XRN1: variants seen among roughly 807,000 people sequenced by gnomAD.
The protein encoded by XRN1 is strand-exchange protein 1 homolog.
XRN1 carries 67 observed loss-of-function variants against 222.3 expected under a neutral mutation model. The ratio of observed to expected loss-of-function variants is 0.30; its 90% CI spans 0.25 to 0.37. XRN1 has a LOEUF of 0.37. Ranked by LOEUF, XRN1 falls within the 10% of genes least tolerant of loss-of-function variation. The probability of loss-of-function intolerance (pLI) is 1.00; values close to 1 mark genes in which losing one functional copy is unlikely to be tolerated. For missense variants in XRN1, 1,707 were observed against 2,000.2 expected (o/e 0.85, Z 2.80); for synonymous variants, 643 against 652.4 (o/e 0.99, Z 0.22).
rs568019388 is a variant in XRN1, at chr3:142,433,916, A to C, written c.76-1023T>G. On this transcript the variant is annotated intron_variant, in intron 1 of 40. Coordinates refer to ENST00000392981, the MANE Select transcript of XRN1 (RefSeq NM_001282857.2). ...TGGGAGTGAAAAGTTTTGGTCTCTG[A>C]ATCAATGAACACCATCAAAACATAT... Among the ~76,000 whole-genome samples the C allele has an allele frequency of 6.6e-5, 10 of 152,308 alleles. No homozygotes were observed. In the East Asian group the frequency reaches 1.9e-3, roughly 29 times the overall value.
intron 29 of XRN1, among the ~76,000 whole-genome samples, chr3:142,363,290 T>G (rs1234005374): frequency 2.6e-5 from 4 of 152,118 alleles, no homozygotes; most frequent in Non-Finnish European, 5.9e-5. Context: ...ATTTTTTTTC[T>G]TTTACACTAA....
chr3:142,431,898 TATATTATATATATAAA>T (rs1559879654), intron 2 of XRN1, among the ~76,000 whole-genome samples: 13 of 31,626 alleles, frequency 4.1e-4, no homozygotes, highest in Admixed American at 1.4e-3. Context: ...ATATAATATA[TATATTATATATATAAA>T]TATATATAAT....
At chr3:142,367,880 T>C (rs964564769) in intron 27 of XRN1, among the ~76,000 whole-genome samples, 1 of 151,998 alleles carries the variant, frequency 6.6e-6, no homozygotes, top group East Asian at 1.9e-4. Context: ...GTTTAAATGA[T>C]CTTCAGAATT....
At chr3:142,394,270 G>A (rs1240871128) in intron 20 of XRN1, among the ~76,000 whole-genome samples, 2 of 152,110 alleles carry the variant, frequency 1.3e-5, no homozygotes, top group African/African-American at 4.8e-5. Context: ...TGCTCATGTG[G>A]CAAAATCCAG....
intron 22 of XRN1, among the ~76,000 whole-genome samples, chr3:142,381,563 C>CTTT (rs766961502): frequency 3.7e-4 from 31 of 84,186 alleles, no homozygotes; most frequent in Non-Finnish European, 6.2e-4. Context: ...TAAGTTATTG[C>CTTT]TTTTTTTTTT....
intron 22 of XRN1, among the ~76,000 whole-genome samples, chr3:142,380,642 A>G (rs1184004268): frequency 6.6e-6 from 1 of 151,826 alleles, no homozygotes; most frequent in Non-Finnish European, 1.5e-5. Context: ...GGTGTAAGCC[A>G]CTGCACCTGG....
chr3:142,429,216 C>T (rs979724229), intron 2 of XRN1, among the ~76,000 whole-genome samples: 4 of 138,646 alleles, frequency 2.9e-5, no homozygotes, highest in Non-Finnish European at 6.1e-5. Flanking sequence ...GGTGTGATCT[C>T]AGCTCACTGC....
intron 33 of XRN1, among the ~76,000 whole-genome samples, chr3:142,340,478 G>A (rs2065963555): frequency 6.6e-6 from 1 of 151,416 alleles, no homozygotes; most frequent in African/African-American, 2.4e-5. Flanking sequence ...TTAAAGAGAA[G>A]GTAGAGAAAG....
intron 1 of XRN1, among the ~76,000 whole-genome samples, chr3:142,442,965 C>T (rs2070303812): frequency 6.6e-6 from 1 of 152,284 alleles, no homozygotes; most frequent in South Asian, 2.1e-4. Context: ...AATCTCCTGA[C>T]CTCGTGATCC....
chr3:142,369,863 T>C (rs2066934663), intron 27 of XRN1, among the ~76,000 whole-genome samples: 1 of 151,104 alleles, frequency 6.6e-6, no homozygotes, highest in African/African-American at 2.4e-5. Context: ...CTGGCCAACA[T>C]GGCGAAATGC....
chr3:142,436,184 C>T (rs1413995792), intron 1 of XRN1: 3 of 151,922 alleles, frequency 2.0e-5, no homozygotes, highest in African/African-American at 7.3e-5. Flanking sequence ...TCCAAAATTT[C>T]TCATTGAAAT....
intron 26 of XRN1, 76 bp downstream of exon 26, chr3:142,371,163 T>G: frequency 1.2e-5 from 15 of 1,216,908 alleles, no homozygotes; most frequent in Admixed American, 4.8e-5. Context: ...ATGAAATTCT[T>G]GAGAAACCAG....
chr3:142,322,441 C>T (rs770275260), intron 37 of XRN1, among the ~76,000 whole-genome samples: 4 of 152,126 alleles, frequency 2.6e-5, no homozygotes, highest in Non-Finnish European at 4.4e-5. Context: ...AATCTTAGCA[C>T]TCTGGGAGGC....
chr3:142,399,621 TA>T (rs543912067), intron 19 of XRN1, among the ~76,000 whole-genome samples: 2 of 151,470 alleles, frequency 1.3e-5, no homozygotes, highest in Admixed American at 6.6e-5. Context: ...TAAATTCTGA[TA>T]AAAAAAATCC....
At chr3:142,442,512 GAAGA>G (rs1340069074) in intron 1 of XRN1, among the ~76,000 whole-genome samples, 1 of 152,114 alleles carries the variant, frequency 6.6e-6, no homozygotes, top group Non-Finnish European at 1.5e-5. Flanking sequence ...GCTAGCCACC[GAAGA>G]AAGAAAAATA....
chr3:142,359,969 T>C, intron 29 of XRN1, 38 bp from the exon 30 acceptor site: 1 of 1,435,550 alleles, frequency 7.0e-7, no homozygotes. Context: ...CACTAAAAAA[T>C]CATATGATGA....
At chr3:142,337,724 G>A (rs752184722) in intron 33 of XRN1, among the ~76,000 whole-genome samples, 8 of 152,112 alleles carry the variant, frequency 5.3e-5, no homozygotes, top group Non-Finnish European at 8.8e-5. Flanking sequence ...AATATAATTT[G>A]GAGTATATAA....
At chr3:142,377,421 A>G (rs1305288540) in intron 23 of XRN1, among the ~76,000 whole-genome samples, 1 of 152,172 alleles carries the variant, frequency 6.6e-6, no homozygotes, top group East Asian at 1.9e-4. Context: ...CAAAGAATTA[A>G]GGTAGTAGGT....
chr3:142,360,397 T>C (rs1423602613), intron 29 of XRN1, among the ~76,000 whole-genome samples: 3 of 152,204 alleles, frequency 2.0e-5, no homozygotes, highest in Non-Finnish European at 4.4e-5. Context: ...TCTATGGGTA[T>C]ACAATAATTT....
Sources: allele counts gnomAD v4.1 joint callset (sites outside exome capture counted in the v4.1 genomes callset), GRCh38; gene constraint gnomAD v4.1.1; transcripts MANE v1.5; gene names NCBI Gene and HGNC (gene_info 2026-07-23, HGNC 2026-07-21).